The following TMEM185B variants were observed in gnomAD, a reference collection of about 807,000 sequenced individuals.
TMEM185B encodes the protein ee3_2.
In TMEM185B, 9 loss-of-function variants were observed where a neutral mutation model predicts 26.2. The ratio of observed to expected loss-of-function variants is 0.34; its 90% CI spans 0.21 to 0.60. The LOEUF is 0.60. Among genes scored for constraint, TMEM185B ranks in the 20% least tolerant of loss-of-function variants. The probability of loss-of-function intolerance (pLI) is 0.80; values close to 1 mark genes in which losing one functional copy is unlikely to be tolerated. For synonymous variants in TMEM185B, 204 were observed against 191.8 expected, an observed-to-expected ratio of 1.06 and a Z score of -0.52; for missense variants, 392 against 447.9, an observed-to-expected ratio of 0.88 and a Z score of 1.13.
In TMEM185B at chr2:120,223,108, AC is replaced by A; in HGVS notation, c.-133del. 2 of 622,046 alleles carry A rather than the reference AC, an allele frequency of 3.2e-6. No individual in the cohort carries two copies. The highest frequency in any genetic ancestry group is 4.7e-6 in the Non-Finnish European group (2 of 426,612). 38.5% of individuals were successfully genotyped at this position (622,046 alleles called of 1,614,324 possible). ...CTCCGCGTGGACGAATGCCGGGACGACCAGGAGGAGGTTCGGAGCGGCGAAG... is the reference window on the plus strand; with the variant it reads ...CTCCGCGTGGACGAATGCCGGGACGACAGGAGGAGGTTCGGAGCGGCGAAG... On this transcript the variant is annotated 5_prime_UTR_variant, in exon 1 of 1. Coordinates refer to ENST00000426077, the MANE Select transcript of TMEM185B (RefSeq NM_024121.3).
In TMEM185B at chr2:120,222,728, G is replaced by A. The variant is rs1269259089; in HGVS notation, c.249C>T (p.Ala83=). 6.5e-7 allele frequency: 1 copy of A among 1,536,488 alleles called. No individual in the cohort carries two copies. The highest frequency in any genetic ancestry group is 1.4e-5 in the African/African-American group (1 of 73,192). ...TEGEACVEFK[A]MLIAVGIHLL... ...GGTGGATGCCCACAGCGATCAGCAT[G>A]GCTTTGAACTCCACACAGGCCTCTC... is the stretch of plus-strand genomic sequence containing the variant. The change falls in exon 1 of 1, where the codon GCC becomes GCT. Residue 83 remains alanine, a synonymous_variant. Transcript: ENST00000426077.
chr2:120,222,497 C>T lies in TMEM185B; in HGVS notation c.480G>A (p.Leu160=), dbSNP rs1445168711. ...GCCACGGCCAGTGAATAATCCTGTC[C>T]AGCTTTAGGGCGATGAAGATGAACT... ...ILQFIFIALK[L]DRIIHWPWLV... Residue 160 remains leucine, a synonymous_variant, in exon 1 of 1, where the codon CTG becomes CTA. Coordinates refer to ENST00000426077, the MANE Select transcript of TMEM185B (RefSeq NM_024121.3). 3.3e-6 allele frequency: 5 copies of T among 1,536,128 alleles called. No individual in the cohort carries two copies. The highest frequency in any genetic ancestry group is 1.4e-5 in the African/African-American group (1 of 73,038).
rs1351559499 is a variant in TMEM185B, at chr2:120,221,439, C to G, written c.*485G>C. ...ATATTAAAGACCAGTATCAGCAAAG[C>G]CCAAGGAGAGAGTATTTTAACAGTA... On this transcript the variant is annotated 3_prime_UTR_variant, in exon 1 of 1. Transcript: ENST00000426077. 1 of 154,282 alleles carries G rather than the reference C, an allele frequency of 6.5e-6. No individual in the cohort carries two copies. The highest frequency in any genetic ancestry group is 1.9e-4 in the East Asian group (1 of 5,220). The allele number at this position is 154,282 out of a possible 1,614,324, so 9.6% of individuals were successfully genotyped here.
chr2:120,222,925 A>G lies in TMEM185B; in HGVS notation c.52T>C (p.Tyr18His), dbSNP rs1054609424. The change falls in exon 1 of 1, where the codon TAC becomes CAC. Residue 18 changes from tyrosine (Y) to histidine (H), a missense_variant. Coordinates refer to ENST00000426077, the MANE Select transcript of TMEM185B (RefSeq NM_024121.3). ...ACCGAGAAGAGCAGCAGGCAGGTGT[A>G]GATGAGAAACTTACTGGGGTTGAAG... is the stretch of plus-strand genomic sequence containing the variant. ...QDFNPSKFLI[Y>H]TCLLLFSVLL... is the part of the protein sequence containing the mutation. 1.9e-5 allele frequency: 27 copies of G among 1,449,012 alleles called. No homozygotes were observed. The highest frequency in any genetic ancestry group is 2.4e-5 in the Non-Finnish European group (27 of 1,108,140). 89.8% of individuals were successfully genotyped at this position (1,449,012 alleles called of 1,614,324 possible).
chr2:120,220,660 C>T lies in TMEM185B; in HGVS notation c.*1264G>A, dbSNP rs1219631197. Among the ~76,000 whole-genome samples, 3 of 152,148 alleles carry T rather than the reference C, an allele frequency of 2.0e-5. No homozygotes were observed. Among genetic ancestry groups the T allele is most frequent in the Non-Finnish European group, 1.5e-5 (1 of 68,018 alleles). On this transcript the variant is annotated 3_prime_UTR_variant, in exon 1 of 1. Transcript: ENST00000426077. ...CAGAAGAATCGCTTGAACCGGGAGG[C>T]GGAGGCTGCGGCGAGCTGAGATCAA...
At position 120,217,531 on chromosome 2, in the gene TMEM185B, G is replaced by C. The variant is rs1271706971; in HGVS notation, c.*4393C>G. 2.0e-5 allele frequency among the ~76,000 whole-genome samples: 3 copies of C among 152,166 alleles called. No homozygotes were observed. The highest frequency in any genetic ancestry group is 7.2e-5 in the African/African-American group (3 of 41,436). The stretch of plus-strand genomic sequence containing the variant: ...TTTGAAGACTATACATCCATTACAT[G>C]TTACCTTAAAAAAATTTTTAAACCT... On this transcript the variant is annotated 3_prime_UTR_variant, in exon 1 of 1. Coordinates refer to ENST00000426077, the MANE Select transcript of TMEM185B (RefSeq NM_024121.3).
rs1205895777 is a variant in TMEM185B, at chr2:120,223,119, G to A, written c.-143C>T. ...CGAATGCCGGGACGACCAGGAGGAGGTTCGGAGCGGCGAAGCGGAGAGGCC... is the reference window on the plus strand; with the variant it reads ...CGAATGCCGGGACGACCAGGAGGAGATTCGGAGCGGCGAAGCGGAGAGGCC... On this transcript the variant is annotated 5_prime_UTR_variant, in exon 1 of 1. Coordinates refer to ENST00000426077, the MANE Select transcript of TMEM185B (RefSeq NM_024121.3). The A allele has an allele frequency of 2.3e-5, 13 of 563,646 alleles. No homozygotes were observed. Among genetic ancestry groups the A allele is most frequent in the Non-Finnish European group, 2.9e-5 (11 of 375,544 alleles). The allele number at this position is 563,646 out of a possible 1,614,324, so 34.9% of individuals were successfully genotyped here. A position where few individuals can be genotyped will look rare whatever the true frequency, so the allele number is the denominator to read the frequency against.
chr2:120,221,825 C>T lies in TMEM185B; in HGVS notation c.*99G>A, dbSNP rs1688591509. ...CGGTGATCTCAAACACGGCGTGAGA[C>T]GAGTGTTTGAAGCCTGTTTCCATTT... On this transcript the variant is annotated 3_prime_UTR_variant, in exon 1 of 1. Coordinates refer to ENST00000426077, the MANE Select transcript of TMEM185B (RefSeq NM_024121.3). 7 of 976,654 alleles carry T rather than the reference C, an allele frequency of 7.2e-6. No individual in the cohort carries two copies. Among genetic ancestry groups the T allele is most frequent in the Non-Finnish European group, 8.8e-6 (6 of 680,440 alleles). 60.5% of individuals were successfully genotyped at this position (976,654 alleles called of 1,614,324 possible). A position where few individuals can be genotyped will look rare whatever the true frequency, so the allele number is the denominator to read the frequency against.
At position 120,220,633 on chromosome 2, in the gene TMEM185B, G is replaced by A. The variant is rs962246083; in HGVS notation, c.*1291C>T. ...TAATCCCAGCTACTCGCGAGGCTGA[G>A]GCAGAAGAATCGCTTGAACCGGGAG... On this transcript the variant is annotated 3_prime_UTR_variant, in exon 1 of 1. Coordinates refer to ENST00000426077, the MANE Select transcript of TMEM185B (RefSeq NM_024121.3). Among the ~76,000 whole-genome samples the A allele has an allele frequency of 1.3e-5, 2 of 152,242 alleles. No homozygotes were observed. Among genetic ancestry groups the A allele is most frequent in the Non-Finnish European group, 2.9e-5 (2 of 68,040 alleles).
rs889815533 is a variant in TMEM185B at position 120,222,537 on chromosome 2, G to A, written c.440C>T (p.Ser147Leu). 2 of 1,536,346 alleles carry A rather than the reference G, an allele frequency of 1.3e-6. No individual in the cohort carries two copies. Among genetic ancestry groups the A allele is most frequent in the African/African-American group, 1.4e-5 (1 of 73,160 alleles). Residue 147 changes from serine (S) to leucine (L), a missense_variant, in exon 1 of 1, where the codon TCG becomes TTG. By Grantham distance (145) the Ser-to-Leu change is moderately radical. Transcript: ENST00000426077. The part of the protein sequence containing the change: ...DRSLELEILC[S>L]VNILQFIFIA... ...GAAGATGAACTGCAGGATGTTGACC[G>A]AGCACAGGATCTCCAGCTCCAGCGA... is the stretch of plus-strand genomic sequence containing the variant.
chr2:120,222,098 C>A lies in TMEM185B; in HGVS notation c.879G>T (p.Gly293=), dbSNP rs1160934201. ...CGTGATGGAGATCATATGAAATGTT[C>A]CCATATTCTCTTAAAAATGGGAAAA... ...LEIFPFLREY[G]NISYDLHHED... The change falls in exon 1 of 1, where the codon GGG becomes GGT. Residue 293 remains glycine (G), a synonymous_variant. Transcript: ENST00000426077. 6.4e-7 allele frequency: 1 copy of A among 1,553,408 alleles called. No individual in the cohort carries two copies. The highest frequency in any genetic ancestry group is 8.7e-7 in the Non-Finnish European group (1 of 1,149,454).
chr2:120,222,187 G>A lies in TMEM185B; in HGVS notation c.790C>T (p.Arg264Ter), dbSNP rs1336275062. The change falls in exon 1 of 1, where the codon CGA becomes TGA. Residue 264 changes from arginine to a stop codon, truncating the protein, a stop_gained. Coordinates refer to ENST00000426077, the MANE Select transcript of TMEM185B (RefSeq NM_024121.3). LOFTEE classifies it high-confidence loss of function. ...LLTLMATTFR[R>*]KGGNHWWFGI... is the part of the protein sequence containing the mutation. ...AACCACCAATGATTGCCCCCCTTTC[G>A]CCTAAATGTTGTGGCCATTAAAGTT... The A allele has an allele frequency of 1.3e-6, 2 of 1,545,686 alleles. No homozygotes were observed. Among genetic ancestry groups the A allele is most frequent in the African/African-American group, 1.4e-5 (1 of 73,094 alleles).
In TMEM185B at chr2:120,221,751, C is replaced by A; in HGVS notation, c.*173G>T. 1 of 626,160 alleles carries A rather than the reference C, an allele frequency of 1.6e-6. No homozygotes were observed. Among genetic ancestry groups the A allele is most frequent in the East Asian group, 2.8e-5 (1 of 36,018 alleles). The allele number at this position is 626,160 out of a possible 1,614,324, so 38.8% of individuals were successfully genotyped here. A position where few individuals can be genotyped will look rare whatever the true frequency, so the allele number is the denominator to read the frequency against. ...GTCTCTTACCCAGGTACACATCACA[C>A]ACACCCACATACTGAAACCACCTCC... On this transcript the variant is annotated 3_prime_UTR_variant, in exon 1 of 1. Transcript: ENST00000426077.
Position 120,222,547 on chromosome 2 carries a change from T to A in TMEM185B, c.430A>T (p.Ile144Phe), listed in dbSNP as rs1181875035. The change falls in exon 1 of 1, where the codon ATC (isoleucine) becomes TTC (phenylalanine). Residue 144 changes from isoleucine to phenylalanine, a missense_variant. Physicochemically the swap from Ile to Phe is conservative, Grantham distance 21. Around this residue, in one of 3 missense-constraint regions of TMEM185B, gnomAD observed 41 missense variants for 77.3 expected, o/e 0.53. Transcript: ENST00000426077. Reference protein sequence around the residue: ...FRHDRSLELEILCSVNILQFI... With the variant: ...FRHDRSLELEFLCSVNILQFI... Reference sequence around the variant, plus strand: ...TGCAGGATGTTGACCGAGCACAGGATCTCCAGCTCCAGCGACCTATCGTGT... The same window carrying A: ...TGCAGGATGTTGACCGAGCACAGGAACTCCAGCTCCAGCGACCTATCGTGT... The A allele has an allele frequency of 5.2e-6, 8 of 1,536,182 alleles. No individual in the cohort carries two copies. The highest frequency in any genetic ancestry group is 6.1e-6 in the Non-Finnish European group (7 of 1,146,920).
rs113178876 is a variant in TMEM185B at position 120,219,691 on chromosome 2, G to A, written c.*2233C>T. Among the ~76,000 whole-genome samples the A allele has an allele frequency of 0.026, 3,910 of 152,324 alleles. 149 individuals are homozygous for A. The highest frequency in any genetic ancestry group is 0.089 in the African/African-American group (3,686 of 41,564). On this transcript the variant is annotated 3_prime_UTR_variant, in exon 1 of 1. Coordinates refer to ENST00000426077, the MANE Select transcript of TMEM185B (RefSeq NM_024121.3). ...AGATATTCTTTAGGGGTGGAGGGGA[G>A]GCACTGGGCTCCTGAAAACAAAGAT...
rs377450529 is a variant in TMEM185B at position 120,221,348 on chromosome 2, C to T, written c.*576G>A. 10 of 152,286 alleles carry T rather than the reference C, an allele frequency of 6.6e-5. No homozygotes were observed. The highest frequency in any genetic ancestry group is 2.4e-4 in the African/African-American group (10 of 41,426). 9.4% of individuals were successfully genotyped at this position (152,286 alleles called of 1,614,324 possible). On this transcript the variant is annotated 3_prime_UTR_variant, in exon 1 of 1. Coordinates refer to ENST00000426077, the MANE Select transcript of TMEM185B (RefSeq NM_024121.3). Reference sequence around the variant, plus strand: ...AACTAGAATTCAACATATTACACTGCTAAAATATTCATATAAATACTATAT... The same window carrying T: ...AACTAGAATTCAACATATTACACTGTTAAAATATTCATATAAATACTATAT...
rs567701328 is a variant in TMEM185B at position 120,223,228 on chromosome 2, A to G, written c.-252T>C. 3.3e-6 allele frequency: 1 copy of G among 302,904 alleles called. No individual in the cohort carries two copies. Among genetic ancestry groups the G allele is most frequent in the Admixed American group, 5.1e-5 (1 of 19,504 alleles). The allele number at this position is 302,904 out of a possible 1,614,324, so 18.8% of individuals were successfully genotyped here. A position where few individuals can be genotyped will look rare whatever the true frequency, so the allele number is the denominator to read the frequency against. ...CGCGGGCACGGGCGGCGCGGCGGTTACAAACTGGGCGCTGCCTCGGTCCCG... is the reference window on the plus strand; with the variant it reads ...CGCGGGCACGGGCGGCGCGGCGGTTGCAAACTGGGCGCTGCCTCGGTCCCG... On this transcript the variant is annotated 5_prime_UTR_variant, in exon 1 of 1. Coordinates refer to ENST00000426077, the MANE Select transcript of TMEM185B (RefSeq NM_024121.3).
chr2:120,222,686 G>A lies in TMEM185B; in HGVS notation c.291C>T (p.Phe97=), dbSNP rs528234150. ...AVGIHLLLLM[F]EVLVCDRVER... Reference sequence around the variant, plus strand: ...CCACCCTGTCGCAGACCAGGACTTCGAACATGAGCAGCAGCAGGTGGATGC... The same window carrying A: ...CCACCCTGTCGCAGACCAGGACTTCAAACATGAGCAGCAGCAGGTGGATGC... Residue 97 remains phenylalanine (F), a synonymous_variant, in exon 1 of 1, where the codon TTC becomes TTT. Transcript: ENST00000426077. 6 of 1,536,534 alleles carry A rather than the reference G, an allele frequency of 3.9e-6. No homozygotes were observed. The African/African-American group carries it at 8.2e-5, about 21-fold the overall frequency.
Position 120,220,135 on chromosome 2 carries a change from C to A in TMEM185B, c.*1789G>T, listed in dbSNP as rs7564298. On this transcript the variant is annotated 3_prime_UTR_variant, in exon 1 of 1. Transcript: ENST00000426077. ...CTGGCTTTTGTTGACAGCATGTGTACAGAGCATGTTATTTTAATGTTTTAT... is the reference window on the plus strand; with the variant it reads ...CTGGCTTTTGTTGACAGCATGTGTAAAGAGCATGTTATTTTAATGTTTTAT... Among the ~76,000 whole-genome samples, 24,553 of 152,096 alleles carry A rather than the reference C, an allele frequency of 0.16. 2,734 individuals carry two copies. Among genetic ancestry groups the A allele is most frequent in the African/African-American group, 0.32 (13,324 of 41,420 alleles).
Sources: gnomAD v4.1 joint callset for allele counts (sites outside exome capture counted in the v4.1 genomes callset) on GRCh38, gnomAD v4.1.1 for gene constraint, gnomAD v4.1.1 regional missense constraint, MANE v1.5 for transcripts, NCBI Gene and HGNC (gene_info 2026-07-23, HGNC 2026-07-21) for gene names.